Variants in UBE2J2 observed in about 807,000 individuals in gnomAD.
UBE2J2 encodes ubiquitin-conjugating enzyme E2 J2.
UBE2J2 carries 5 observed loss-of-function variants against 28.6 expected under a neutral mutation model. That is an observed-to-expected ratio of 0.17 (90% CI 0.09 to 0.37). UBE2J2 has a LOEUF of 0.37. Ranked by LOEUF, UBE2J2 falls within the 10% of genes least tolerant of loss-of-function variation. UBE2J2 has a pLI of 1.00. For missense variants in UBE2J2, 226 were observed against 338.9 expected (o/e 0.67, Z 2.62); for synonymous variants, 138 against 139.7 (o/e 0.99, Z 0.09).
At position 1,256,127 on chromosome 1, in the gene UBE2J2, TAGGA is replaced by T; in HGVS notation, c.415-6_415-3del. 6.2e-7 allele frequency: 1 copy of T among 1,607,882 alleles called. No homozygotes were observed. The highest frequency in any genetic ancestry group is 8.5e-7 in the Non-Finnish European group (1 of 1,175,108). ...ACTCTGCACTGCCAGTTGTCTTTTC[TAGGA>T]AGGAAGGGAAGGGAATCAGCCAGAA... On this transcript the variant is annotated splice_region_variant and splice_polypyrimidine_tract_variant and intron_variant, in intron 5 of 6. Coordinates refer to ENST00000349431, the MANE Select transcript of UBE2J2 (RefSeq NM_058167.3).
In UBE2J2 at chr1:1,257,300, A is replaced by G; in HGVS notation, c.183T>C (p.Tyr61=). 2 of 1,609,356 alleles carry G rather than the reference A, an allele frequency of 1.2e-6. No homozygotes were observed. The highest frequency in any genetic ancestry group is 1.7e-4 in the Middle Eastern group (1 of 6,044). ...PEMTPYEGGY[Y]HGKLIFPREF... is the part of the protein sequence containing the mutation. ...CTCTGGGAAAAATTAGTTTTCCATG[A>G]TAATAGCCACCTACATGGAAACAAA... The change falls in exon 4 of 7, where the codon TAT becomes TAC. Residue 61 remains tyrosine, a synonymous_variant. Coordinates refer to ENST00000349431, the MANE Select transcript of UBE2J2 (RefSeq NM_058167.3).
At chr1:1,256,455 G>C in intron 5 of UBE2J2, 1 of 292,262 alleles carries the variant, frequency 3.4e-6, no homozygotes, top group Admixed American at 4.9e-5. Context: ...CCCCTGGCGG[G>C]TGTGGATGAG....
At chr1:1,260,023 T>G (rs918805270) in intron 3 of UBE2J2, among the ~76,000 whole-genome samples, 16 of 152,176 alleles carry the variant, frequency 1.1e-4, no homozygotes, top group Non-Finnish European at 2.2e-4. Flanking sequence ...AAACACGGCT[T>G]CACTGTCTGC....
At chr1:1,262,302 G>A (rs1028146744) in intron 3 of UBE2J2, 2 of 455,752 alleles carry the variant, frequency 4.4e-6, no homozygotes, top group Non-Finnish European at 8.8e-6. Context: ...GCTGGTCATG[G>A]GCAATGACAC....
At chr1:1,272,871 C>T (rs1261523629) in intron 1 of UBE2J2, 1 of 153,580 alleles carries the variant, frequency 6.5e-6, no homozygotes, top group Non-Finnish European at 1.5e-5. Flanking sequence ...CTTCGGAAGC[C>T]AGATTACACA....
intron 4 of UBE2J2, 36 bp downstream of exon 4, chr1:1,257,172 G>C (rs1468757433): frequency 6.2e-7 from 1 of 1,601,654 alleles, no homozygotes; most frequent in Non-Finnish European, 8.5e-7. Flanking sequence ...CCCCACCGCA[G>C]CCAGAAAGCC....
intron 3 of UBE2J2, among the ~76,000 whole-genome samples, chr1:1,261,048 A>G (rs1639530032): frequency 6.6e-6 from 1 of 152,246 alleles, no homozygotes; most frequent in South Asian, 2.1e-4. Flanking sequence ...AAAAGGGGTC[A>G]GAAATCCCGA....
intron 1 of UBE2J2, among the ~76,000 whole-genome samples, chr1:1,272,639 C>G (rs1303089553): frequency 6.6e-6 from 1 of 150,896 alleles, no homozygotes; most frequent in African/African-American, 2.5e-5. Flanking sequence ...TGTCACTCAT[C>G]CACGCACCTA....
At chr1:1,269,289 C>T (rs1241162196) in intron 1 of UBE2J2, among the ~76,000 whole-genome samples, 1 of 145,278 alleles carries the variant, frequency 6.9e-6, no homozygotes, top group Non-Finnish European at 1.5e-5. Flanking sequence ...TCAGGGACCC[C>T]AAAGCCCCTC....
chr1:1,262,355 G>A (rs752922948), intron 3 of UBE2J2: 7 of 456,052 alleles, frequency 1.5e-5, no homozygotes, highest in Admixed American at 2.4e-5. Context: ...CCGCACTCTG[G>A]CTGCCCTAGT....
chr1:1,256,799 T>A (rs1283559319), intron 5 of UBE2J2, among the ~76,000 whole-genome samples, 193 bp downstream of exon 5: 3 of 143,538 alleles, frequency 2.1e-5, no homozygotes, highest in Non-Finnish European at 1.5e-5. Context: ...GACAGGAGAA[T>A]GGCGTGAACC....
chr1:1,259,179 A>T (rs968321551), intron 3 of UBE2J2, among the ~76,000 whole-genome samples: 6 of 148,270 alleles, frequency 4.0e-5, no homozygotes, highest in Non-Finnish European at 8.9e-5. Context: ...TGTGCATGCC[A>T]TCAGGACGCA....
intron 1 of UBE2J2, among the ~76,000 whole-genome samples, chr1:1,270,326 G>A (rs893952972): frequency 3.9e-5 from 6 of 152,070 alleles, no homozygotes; most frequent in Admixed American, 6.5e-5. Flanking sequence ...CTCTCTAACC[G>A]GTTTATTCCT....
At chr1:1,262,235 C>A in intron 3 of UBE2J2, 3 of 436,818 alleles carry the variant, frequency 6.9e-6, no homozygotes, top group Non-Finnish European at 1.4e-5. Context: ...TACTTTAACA[C>A]GCCCTGGACA....
chr1:1,256,514 C>T lies in UBE2J2; in HGVS notation c.415-389G>A, dbSNP rs533260519. 2.0e-5 allele frequency among the ~76,000 whole-genome samples: 3 copies of T among 152,324 alleles called. No individual in the cohort carries two copies. In the East Asian group the frequency reaches 5.8e-4, roughly 29 times the overall value. On this transcript the variant is annotated intron_variant, in intron 5 of 6. Coordinates refer to ENST00000349431, the MANE Select transcript of UBE2J2 (RefSeq NM_058167.3). ...CCGAGAGGCAGCGGGGAACACGAGG[C>T]CACAGAGCAAAGCAGTCTCCACGAC...
Position 1,257,098 on chromosome 1 carries a change from T to C in UBE2J2, c.308A>G (p.Asp103Gly). The part of the protein sequence containing the change: ...LCLSITDFHP[D>G]TWNPAWSVST... ...GACAGACCAGGCCGGGTTCCACGTGTCCGGGTGGAAATCCGTGATAGAAAG... is the reference window on the plus strand; with the variant it reads ...GACAGACCAGGCCGGGTTCCACGTGCCCGGGTGGAAATCCGTGATAGAAAG... Residue 103 changes from aspartate (D) to glycine (G), a missense_variant, in exon 5 of 7, where the codon GAC becomes GGC. Transcript: ENST00000349431. The C allele has an allele frequency of 6.2e-7, 1 of 1,612,652 alleles. No homozygotes were observed. The highest frequency in any genetic ancestry group is 8.5e-7 in the Non-Finnish European group (1 of 1,179,456).
chr1:1,259,305 T>C (rs1639414940), intron 3 of UBE2J2, among the ~76,000 whole-genome samples: 1 of 151,952 alleles, frequency 6.6e-6, no homozygotes, highest in Non-Finnish European at 1.5e-5. Context: ...CGTGTGCACG[T>C]GCGTGCCATC....
chr1:1,260,307 A>G (rs1383935584), intron 3 of UBE2J2, among the ~76,000 whole-genome samples: 4 of 152,246 alleles, frequency 2.6e-5, no homozygotes, highest in Admixed American at 1.3e-4. Context: ...TAAAAGAGGA[A>G]GCGGGAACAG....
chr1:1,271,619 G>T (rs946691017), intron 1 of UBE2J2: 1 of 152,200 alleles, frequency 6.6e-6, no homozygotes. Flanking sequence ...AGGAGGCCAG[G>T]GGGCTATTTC....
Sources: allele counts gnomAD v4.1 joint callset (sites outside exome capture counted in the v4.1 genomes callset), GRCh38; gene constraint gnomAD v4.1.1; transcripts MANE v1.5; gene names NCBI Gene and HGNC (gene_info 2026-07-23, HGNC 2026-07-21).